The following PREX1 variants were observed in gnomAD, a reference collection of about 807,000 sequenced individuals.
The protein encoded by PREX1 is phosphatidylinositol 3,4,5-trisphosphate-dependent Rac exchanger 1 protein.
A neutral mutation model predicts 198.3 loss-of-function variants in PREX1; 41 were observed. The ratio of observed to expected loss-of-function variants is 0.21; its 90% confidence interval spans 0.16 to 0.27. The LOEUF is 0.27. Ranked by LOEUF, PREX1 falls within the 10% of genes least tolerant of loss-of-function variation. The pLI is 1.00. For missense variants in PREX1, 1,620 were observed against 2,200.7 expected, an observed-to-expected ratio of 0.74 and a Z score of 5.28; for synonymous variants, 843 against 887.2, an observed-to-expected ratio of 0.95 and a Z score of 0.89.
At chr20:48,820,312 C>T (rs1310074338) in intron 1 of PREX1, among the ~76,000 whole-genome samples, 1 of 152,176 alleles carries the variant, frequency 6.6e-6, no homozygotes, top group Non-Finnish European at 1.5e-5. Flanking sequence ...CCCAGAGTAA[C>T]CCTAGGAGTG....
the PREX1 span, among the ~76,000 whole-genome samples, chr20:48,837,058 T>C: frequency 6.6e-6 from 1 of 152,104 alleles, no homozygotes; most frequent in East Asian, 1.9e-4. Context: ...AATGTGAAAC[T>C]GAAGCATAGG....
At chr20:48,880,981 T>TAAAAAA in the PREX1 span, among the ~76,000 whole-genome samples, 39 of 20,996 alleles carry the variant, frequency 1.9e-3, 7 homozygotes, top group African/African-American at 8.6e-3. Flanking sequence ...AAACCATTGC[T>TAAAAAA]AAAAAAAAAA....
At chr20:48,834,825 G>T in the PREX1 span, among the ~76,000 whole-genome samples, 2 of 152,188 alleles carry the variant, frequency 1.3e-5, no homozygotes, top group African/African-American at 2.4e-5. Flanking sequence ...CTCCCAAAGT[G>T]CTGGGATTAC....
intron 1 of PREX1, among the ~76,000 whole-genome samples, chr20:48,770,781 C>T: frequency 6.6e-6 from 1 of 152,242 alleles, no homozygotes; most frequent in South Asian, 2.1e-4. Flanking sequence ...CAAACCTTTG[C>T]AATCACAAGG....
At chr20:48,777,840 C>T (rs2090269943) in intron 1 of PREX1, among the ~76,000 whole-genome samples, 1 of 152,080 alleles carries the variant, frequency 6.6e-6, no homozygotes, top group South Asian at 2.1e-4. Flanking sequence ...AGTGGGGTTG[C>T]TATCATCATC....
At chr20:48,885,980 G>C in the PREX1 span, among the ~76,000 whole-genome samples, 1 of 152,156 alleles carries the variant, frequency 6.6e-6, no homozygotes, top group Non-Finnish European at 1.5e-5. Context: ...TACCATAATG[G>C]TGGATACATG....
intron 29 of PREX1, among the ~76,000 whole-genome samples, chr20:48,640,542 A>G (rs142484892): frequency 9.8e-4 from 149 of 152,230 alleles, no homozygotes; most frequent in African/African-American, 3.4e-3. Context: ...CAGGATGTGC[A>G]GCTGAGCTGG....
In PREX1 at chr20:48,699,768, C is replaced by G. The variant is rs552207194; in HGVS notation, c.917+985G>C. ...CTCAACACACCATACCTGAAGGCCC[C>G]AATCTACCATTCATCTAGACACATA... On this transcript the variant is annotated intron_variant, in intron 7 of 39. Coordinates refer to ENST00000371941, the MANE Select transcript of PREX1 (RefSeq NM_020820.4). 6.8e-4 allele frequency among the ~76,000 whole-genome samples: 103 copies of G among 152,336 alleles called. 1 individual carries two copies. Among genetic ancestry groups the G allele is most frequent in the African/African-American group, 2.4e-3 (101 of 41,570 alleles).
chr20:48,783,964 G>A (rs956141948), intron 1 of PREX1, among the ~76,000 whole-genome samples: 3 of 152,288 alleles, frequency 2.0e-5, no homozygotes, highest in South Asian at 2.1e-4. Flanking sequence ...CAAGGTGAAC[G>A]GAAAGCAAAT....
intron 1 of PREX1, among the ~76,000 whole-genome samples, chr20:48,817,027 C>A (rs115262992): frequency 1.3e-5 from 2 of 152,204 alleles, no homozygotes; most frequent in African/African-American, 2.4e-5. Context: ...GTTTCCTCAT[C>A]TGCAAAACTG....
intron 3 of PREX1, among the ~76,000 whole-genome samples, chr20:48,743,129 T>C (rs1473631615): frequency 1.3e-5 from 2 of 152,166 alleles, no homozygotes; most frequent in African/African-American, 4.8e-5. Context: ...GCAGGAATTG[T>C]CGTTACCCCC....
At chr20:48,645,068 G>A (rs2089440599) in intron 26 of PREX1, among the ~76,000 whole-genome samples, 1 of 152,230 alleles carries the variant, frequency 6.6e-6, no homozygotes, top group Non-Finnish European at 1.5e-5. Flanking sequence ...TGAGGCTCTG[G>A]GGGCACAAAG....
At chr20:48,651,118 C>T in intron 22 of PREX1, 63 bp from the exon 23 acceptor site, 1 of 1,575,256 alleles carries the variant, frequency 6.3e-7, no homozygotes, top group South Asian at 1.2e-5. Context: ...AAGCGGTTCA[C>T]CCACAGTGAC....
At chr20:48,717,060 A>G (rs1267089156) in intron 5 of PREX1, among the ~76,000 whole-genome samples, 1 of 152,222 alleles carries the variant, frequency 6.6e-6, no homozygotes, top group African/African-American at 2.4e-5. Flanking sequence ...AAAACAATAA[A>G]GTAGATTTTC....
chr20:48,645,896 T>A lies in PREX1; in HGVS notation c.3467A>T (p.Gln1156Leu), dbSNP rs563279377. 2 of 1,614,208 alleles carry A rather than the reference T, an allele frequency of 1.2e-6. No homozygotes were observed. The highest frequency in any genetic ancestry group is 2.7e-5 in the African/African-American group (2 of 75,058). The change falls in exon 26 of 40, where the codon CAG becomes CTG. Residue 1156 changes from glutamine (Q) to leucine (L), a missense_variant. This residue lies in a region of PREX1 where 8 missense variants were observed against 26.8 expected (regional missense o/e 0.30). Coordinates refer to ENST00000371941, the MANE Select transcript of PREX1 (RefSeq NM_020820.4). ...CATGGTGTCGTGGCCTGAGTCCTCCTGGTCCTCCTCGGCCACCTTGAAGCA... is the reference window on the plus strand; with the variant it reads ...CATGGTGTCGTGGCCTGAGTCCTCCAGGTCCTCCTCGGCCACCTTGAAGCA... The part of the protein sequence containing the change: ...KVCFKVAEED[Q>L]EDSGHDTMSY...
At chr20:48,782,356 G>T (rs1225310658) in intron 1 of PREX1, among the ~76,000 whole-genome samples, 2 of 152,112 alleles carry the variant, frequency 1.3e-5, no homozygotes, top group Non-Finnish European at 1.5e-5. Flanking sequence ...CCTTTCACTT[G>T]GTTCTCATTG....
chr20:48,846,682 A>G, the PREX1 span, among the ~76,000 whole-genome samples: 1 of 152,176 alleles, frequency 6.6e-6, no homozygotes, highest in Admixed American at 6.5e-5. Flanking sequence ...GGAGACAGAA[A>G]CAATGCCAGT....
At chr20:48,687,455 A>C (rs1329723975) in intron 10 of PREX1, among the ~76,000 whole-genome samples, 1 of 152,226 alleles carries the variant, frequency 6.6e-6, no homozygotes, top group Admixed American at 6.5e-5. Flanking sequence ...TCCAGAACAC[A>C]GCCACTGCTC....
At chr20:48,652,735 C>T (rs1205386290) in intron 20 of PREX1, 29 bp from the exon 21 acceptor site, 2 of 1,601,210 alleles carry the variant, frequency 1.2e-6, no homozygotes, top group Non-Finnish European at 1.7e-6. Flanking sequence ...AGGGGACAGC[C>T]ATGGTGCCGG....
Sources: allele counts gnomAD v4.1 joint callset (sites outside exome capture counted in the v4.1 genomes callset), GRCh38; gene constraint gnomAD v4.1.1; regional missense constraint gnomAD v4.1.1; transcripts MANE v1.5; gene names NCBI Gene and HGNC (gene_info 2026-07-23, HGNC 2026-07-21).